Variants in VPS13B observed in about 807,000 individuals in gnomAD.
VPS13B encodes vacuolar protein sorting 13 homolog B, also known as intermembrane lipid transfer protein VPS13B.
VPS13B carries 285 observed loss-of-function variants against 426.4 expected under a neutral mutation model. The observed-to-expected ratio is 0.67, with a 90% CI of 0.61 to 0.74. The LOEUF is 0.74. VPS13B is among the 30% of genes least tolerant of loss of function. The pLI, the probability that VPS13B is intolerant of heterozygous loss-of-function variation, is 0.00. For missense variants in VPS13B, 4,537 were observed against 4,782.6 expected (o/e 0.95, Z 1.51); for synonymous variants, 1,676 against 1,676.4 (o/e 1.00, Z 0.01).
intron 31 of VPS13B, among the ~76,000 whole-genome samples, chr8:99,557,376 T>C (rs929058650): frequency 6.6e-6 from 1 of 151,682 alleles, no homozygotes; most frequent in Non-Finnish European, 1.5e-5. Flanking sequence ...CTCCCACTTA[T>C]AAGTGAGAAT....
At chr8:99,667,192 CA>C (rs2129837256) in intron 35 of VPS13B, among the ~76,000 whole-genome samples, 1 of 152,286 alleles carries the variant, frequency 6.6e-6, no homozygotes, top group East Asian at 1.9e-4. Flanking sequence ...GCTTGAAAGT[CA>C]TGTCTAAAAA....
chr8:99,082,946 C>T (rs991484064), intron 3 of VPS13B, among the ~76,000 whole-genome samples: 4 of 152,152 alleles, frequency 2.6e-5, no homozygotes, highest in Admixed American at 2.0e-4. Context: ...GCAATGCGGG[C>T]TCTTTTTTGG....
intron 3 of VPS13B, among the ~76,000 whole-genome samples, chr8:99,062,358 A>G (rs981933094): frequency 6.6e-6 from 1 of 152,210 alleles, no homozygotes; most frequent in African/African-American, 2.4e-5. Flanking sequence ...CCAATAAGAG[A>G]TTAGATATGC....
intron 26 of VPS13B, 67 bp downstream of exon 26, chr8:99,501,925 TC>T: frequency 1.5e-6 from 2 of 1,308,272 alleles, no homozygotes; most frequent in Non-Finnish European, 1.0e-6. Context: ...CCTCCCTCCC[TC>T]CCTTCCTTCC....
In VPS13B at chr8:99,835,252, G is replaced by T; in HGVS notation, c.9670G>T (p.Glu3224Ter). Residue 3224 changes from glutamate (E) to a stop codon, truncating the protein, a stop_gained, in exon 53 of 62, where the codon GAA (glutamate) becomes TAA (stop). Coordinates refer to ENST00000357162, the MANE Select transcript of VPS13B (RefSeq NM_152564.5). LOFTEE classifies it high-confidence loss of function. ...HLGVTYLTLSEDPSPRVIIHN... is the reference protein window; with the variant it reads ...HLGVTYLTLS ...CGGAGTGACTTATTTAACCCTCTCAGAAGACCCTAGTCCTCGAGTAATTAT... is the reference window on the plus strand; with the variant it reads ...CGGAGTGACTTATTTAACCCTCTCATAAGACCCTAGTCCTCGAGTAATTAT... The T allele has an allele frequency of 1.2e-6, 2 of 1,613,928 alleles. No homozygotes were observed. Among genetic ancestry groups the T allele is most frequent in the African/African-American group, 1.3e-5 (1 of 74,980 alleles).
At chr8:99,395,222 C>A (rs767701774) in intron 21 of VPS13B, among the ~76,000 whole-genome samples, 5 of 152,128 alleles carry the variant, frequency 3.3e-5, no homozygotes, top group Non-Finnish European at 7.4e-5. Flanking sequence ...GCAGAGATGA[C>A]TAGAAATTAT....
Position 99,437,403 on chromosome 8 carries a change from T to TA in VPS13B, c.3211-4998_3211-4997insA, listed in dbSNP as rs200063201. 7.1e-3 allele frequency among the ~76,000 whole-genome samples: 1,059 copies of TA among 149,050 alleles called. 13 individuals are homozygous for TA. The highest frequency in any genetic ancestry group is 0.026 in the African/African-American group (1,016 of 39,160). On this transcript the variant is annotated intron_variant, in intron 22 of 61. Coordinates refer to ENST00000357162, the MANE Select transcript of VPS13B (RefSeq NM_152564.5). ...ATGTAGTCTTGGACAGTCTTTTTTTTTAAAAAAAAATATATATATATATGA... is the reference window on the plus strand; with the variant it reads ...ATGTAGTCTTGGACAGTCTTTTTTTTATAAAAAAAAATATATATATATATGA...
chr8:99,105,238 T>A (rs1846980729), intron 5 of VPS13B, among the ~76,000 whole-genome samples: 1 of 152,224 alleles, frequency 6.6e-6, no homozygotes, highest in South Asian at 2.1e-4. Context: ...CGTTAATGCC[T>A]CCTTTGCATC....
chr8:99,063,296 G>C (rs187925007), intron 3 of VPS13B, among the ~76,000 whole-genome samples: 55 of 152,328 alleles, frequency 3.6e-4, no homozygotes, highest in African/African-American at 1.3e-3. Flanking sequence ...GCAAGGGGTC[G>C]GGGGATTTCC....
chr8:99,016,474 T>C (rs1587916668), intron 2 of VPS13B, among the ~76,000 whole-genome samples: 1 of 151,952 alleles, frequency 6.6e-6, no homozygotes, highest in Non-Finnish European at 1.5e-5. Flanking sequence ...TGACTAATTA[T>C]GTTTTTATAT....
chr8:99,683,303 CT>C (rs1310093821), intron 35 of VPS13B, among the ~76,000 whole-genome samples: 1 of 152,094 alleles, frequency 6.6e-6, no homozygotes, highest in African/African-American at 2.4e-5. Context: ...TGTTGTTATT[CT>C]TTCTCAAAAA....
At chr8:99,076,060 T>A (rs1022438113) in intron 3 of VPS13B, among the ~76,000 whole-genome samples, 8 of 152,182 alleles carry the variant, frequency 5.3e-5, no homozygotes, top group African/African-American at 1.4e-4. Flanking sequence ...TATGTTGTAT[T>A]TCTATTTTTG....
chr8:99,285,555 T>C (rs1182740578), intron 19 of VPS13B, among the ~76,000 whole-genome samples: 1 of 152,134 alleles, frequency 6.6e-6, no homozygotes, highest in Non-Finnish European at 1.5e-5. Context: ...GTATGTTTTA[T>C]ATGGATCAAA....
chr8:99,181,489 T>C (rs1213305896), intron 16 of VPS13B, among the ~76,000 whole-genome samples: 1 of 152,216 alleles, frequency 6.6e-6, no homozygotes, highest in Non-Finnish European at 1.5e-5. Flanking sequence ...GCCTTGTGGC[T>C]GAGAAAGTCT....
chr8:99,231,154 TATAATTGTCA>T (rs1482074733), intron 17 of VPS13B, among the ~76,000 whole-genome samples: 1 of 152,252 alleles, frequency 6.6e-6, no homozygotes, highest in Non-Finnish European at 1.5e-5. Flanking sequence ...AGTAAAATAC[TATAATTGTCA>T]ATAATTGTAG....
intron 3 of VPS13B, among the ~76,000 whole-genome samples, chr8:99,040,476 T>C (rs1268072272): frequency 6.6e-6 from 1 of 152,206 alleles, no homozygotes; most frequent in East Asian, 1.9e-4. Flanking sequence ...TATTTAGCAG[T>C]GTACACCTCT....
intron 21 of VPS13B, among the ~76,000 whole-genome samples, chr8:99,425,124 T>C (rs1816618526): frequency 6.6e-6 from 1 of 152,158 alleles, no homozygotes; most frequent in Non-Finnish European, 1.5e-5. Context: ...ACAGCCAAAT[T>C]CTACGAGAGG....
intron 33 of VPS13B, among the ~76,000 whole-genome samples, chr8:99,640,693 A>G (rs1345947264): frequency 6.6e-6 from 1 of 152,190 alleles, no homozygotes; most frequent in Non-Finnish European, 1.5e-5. Context: ...CTAACACTAA[A>G]TGAAATGTTA....
chr8:99,712,614 G>A (rs139264253), intron 36 of VPS13B, among the ~76,000 whole-genome samples: 280 of 152,110 alleles, frequency 1.8e-3, no homozygotes, highest in African/African-American at 5.0e-3. Flanking sequence ...AAGTCTGGCC[G>A]ACTTTCTCTC....
Sources: allele counts gnomAD v4.1 joint callset (sites outside exome capture counted in the v4.1 genomes callset), GRCh38; gene constraint gnomAD v4.1.1; transcripts MANE v1.5; gene names NCBI Gene and HGNC (gene_info 2026-07-23, HGNC 2026-07-21).